RTN4: variants seen among roughly 807,000 people sequenced by gnomAD.
RTN4 encodes the protein reticulon 4, also known as reticulon-4.
Under a neutral mutation model 90.4 loss-of-function variants are expected in RTN4, and 32 were observed. The observed-to-expected ratio is 0.35, with a 90% CI of 0.27 to 0.48. The LOEUF is 0.48. Ranked by LOEUF, RTN4 falls within the 20% of genes least tolerant of loss-of-function variation. RTN4 has a pLI of 0.99. For synonymous variants in RTN4, 629 were observed against 552.5 expected (o/e 1.14, Z -1.94); for missense variants, 1,706 against 1,430.2 (o/e 1.19, Z -3.11).
intron 1 of RTN4, among the ~76,000 whole-genome samples, chr2:55,105,414 G>A (rs914237062): frequency 2.0e-5 from 3 of 151,648 alleles, no homozygotes; most frequent in Non-Finnish European, 2.9e-5. Context: ...ATTTTTAGTA[G>A]AGATGGGTTT....
At chr2:54,995,807 C>T (rs1331210314) in intron 3 of RTN4, among the ~76,000 whole-genome samples, 1 of 152,076 alleles carries the variant, frequency 6.6e-6, no homozygotes, top group East Asian at 1.9e-4. Context: ...CCACAGAGTA[C>T]CCAGAGAAAA....
At chr2:54,998,822 T>A (rs755603157) in intron 3 of RTN4, among the ~76,000 whole-genome samples, 19 of 152,210 alleles carry the variant, frequency 1.2e-4, no homozygotes, top group African/African-American at 3.6e-4. Context: ...GTAATCACTT[T>A]AGTGGTTCCT....
chr2:55,092,523 C>T (rs1293797802), intron 1 of RTN4, among the ~76,000 whole-genome samples: 2 of 152,252 alleles, frequency 1.3e-5, no homozygotes, highest in East Asian at 1.9e-4. Flanking sequence ...CGTGAGCCAC[C>T]GTGCCCGGCC....
Position 55,027,389 on chromosome 2 carries a change from G to C in RTN4, c.710C>G (p.Ser237Cys). Residue 237 changes from serine (S) to cysteine (C), a missense_variant, in exon 3 of 9, where the codon TCT becomes TGT. Physicochemically the swap from Ser to Cys is moderately radical, Grantham distance 112 (BLOSUM62 -1). Coordinates refer to ENST00000337526, the MANE Select transcript of RTN4 (RefSeq NM_020532.5). ...AGAAGCGGCTGAGAGAGGAGACAGAGAAGGAAGAGAAGCAGCAGTTTCAAG... is the reference window on the plus strand; with the variant it reads ...AGAAGCGGCTGAGAGAGGAGACAGACAAGGAAGAGAAGCAGCAGTTTCAAG... ...VLLETAASLPSLSPLSAASFK... is the reference protein window; with the variant it reads ...VLLETAASLPCLSPLSAASFK... The C allele has an allele frequency of 1.9e-6, 3 of 1,613,736 alleles. No individual in the cohort carries two copies. The highest frequency in any genetic ancestry group is 2.5e-6 in the Non-Finnish European group (3 of 1,179,768).
At chr2:55,096,692 C>G (rs567621907) in intron 1 of RTN4, among the ~76,000 whole-genome samples, 1 of 152,186 alleles carries the variant, frequency 6.6e-6, no homozygotes, top group African/African-American at 2.4e-5. Context: ...TTTTCTCAAT[C>G]TGAACGCAAG....
the RTN4 span, among the ~76,000 whole-genome samples, chr2:55,136,102 A>G: frequency 1.5e-3 from 231 of 152,268 alleles, 7 homozygotes; most frequent in South Asian, 0.042. Context: ...CAGTCTCCCA[A>G]TAGATAGAAA....
intron 3 of RTN4, chr2:55,010,016 A>G: frequency 6.5e-7 from 1 of 1,539,680 alleles, no homozygotes; most frequent in South Asian, 1.1e-5. Flanking sequence ...TCTAAATTCC[A>G]AAGCTTATTC....
chr2:54,974,995 A>G (rs1677504064), intron 5 of RTN4, among the ~76,000 whole-genome samples: 1 of 152,202 alleles, frequency 6.6e-6, no homozygotes, highest in African/African-American at 2.4e-5. Flanking sequence ...ACTACCAAGT[A>G]GTTGATTCTG....
chr2:55,089,693 G>C (rs1468523515), intron 1 of RTN4, among the ~76,000 whole-genome samples: 1 of 152,216 alleles, frequency 6.6e-6, no homozygotes, highest in Non-Finnish European at 1.5e-5. Context: ...TCTGCGAAAT[G>C]CAAACACTTG....
At chr2:54,995,629 G>A (rs1358785436) in intron 3 of RTN4, among the ~76,000 whole-genome samples, 2 of 151,966 alleles carry the variant, frequency 1.3e-5, no homozygotes, top group African/African-American at 4.8e-5. Flanking sequence ...TGGGTCACGG[G>A]TGGCCAGAGC....
intron 1 of RTN4, among the ~76,000 whole-genome samples, chr2:55,096,318 C>G (rs1417888506): frequency 6.6e-6 from 1 of 150,800 alleles, no homozygotes. Flanking sequence ...AAGAGCAAAA[C>G]TCTGCCTCAA....
Position 54,972,556 on chromosome 2 carries a change from T to C in RTN4, c.*600A>G, listed in dbSNP as rs1677147112. 6.5e-6 allele frequency: 1 copy of C among 152,798 alleles called. No homozygotes were observed. Among genetic ancestry groups the C allele is most frequent in the Middle Eastern group, 3.4e-3 (1 of 294 alleles). The allele number at this position is 152,798 out of a possible 1,614,324, so 9.5% of individuals were successfully genotyped here. On this transcript the variant is annotated 3_prime_UTR_variant, in exon 9 of 9. Coordinates refer to ENST00000337526, the MANE Select transcript of RTN4 (RefSeq NM_020532.5). ...TGACTGACTCTGAAATATCAAGCAC[T>C]GTGGGGTGGCTGGAAGGTAAAGGTC...
At chr2:55,053,964 C>G (rs1668146110), upstream of RTN4, among the ~76,000 whole-genome samples, 1 of 152,012 alleles carries the variant, frequency 6.6e-6, no homozygotes, top group African/African-American at 2.4e-5. Context: ...ACTCAGAAGA[C>G]TGGAGAGAAG....
chr2:55,126,540 G>A, the RTN4 span, among the ~76,000 whole-genome samples: 4 of 152,200 alleles, frequency 2.6e-5, no homozygotes, highest in Non-Finnish European at 5.9e-5. Flanking sequence ...ATGCTGGTGA[G>A]GTTGTGGAGA....
At chr2:54,982,457 C>G in intron 5 of RTN4, 58 bp downstream of exon 5, 1 of 1,451,804 alleles carries the variant, frequency 6.9e-7, no homozygotes, top group Non-Finnish European at 9.4e-7. Flanking sequence ...ATTTTACACT[C>G]AACTCTCTTG....
chr2:55,135,272 A>C, the RTN4 span, among the ~76,000 whole-genome samples: 2 of 146,960 alleles, frequency 1.4e-5, no homozygotes, highest in African/African-American at 2.5e-5. Flanking sequence ...CAGTGGCTCA[A>C]TCTTGACTCA....
At position 55,047,845 on chromosome 2, in the gene RTN4, G is replaced by A. The variant is rs981477142; in HGVS notation, c.556+1900C>T. 1.8e-4 allele frequency among the ~76,000 whole-genome samples: 27 copies of A among 152,178 alleles called. 1 individual carries two copies. The highest frequency in any genetic ancestry group is 6.5e-4 in the African/African-American group (27 of 41,504). ...GATGAAAACGGCAATAAAACAACGT[G>A]ACTAATAATAACATACAATCAGGAA... On this transcript the variant is annotated intron_variant, in intron 1 of 8. Coordinates refer to ENST00000337526, the MANE Select transcript of RTN4 (RefSeq NM_020532.5).
rs201878803 is a variant in RTN4 at position 55,025,252 on chromosome 2, G to A, written c.2847C>T (p.Leu949=). Reference sequence around the variant, plus strand: ...AAGCAGAAACATCTGGAGGCAATAAGAGCACCTTTGATGTAGCAGACCCAT... The same window carrying A: ...AAGCAGAAACATCTGGAGGCAATAAAAGCACCTTTGATGTAGCAGACCCAT... ...SKNGSATSKV[L]LLPPDVSALA... Residue 949 remains leucine, a synonymous_variant, in exon 3 of 9, where the codon CTC becomes CTT. Coordinates refer to ENST00000337526, the MANE Select transcript of RTN4 (RefSeq NM_020532.5). 1 of 1,613,898 alleles carries A rather than the reference G, an allele frequency of 6.2e-7. No individual in the cohort carries two copies. Among genetic ancestry groups the A allele is most frequent in the Non-Finnish European group, 8.5e-7 (1 of 1,179,864 alleles).
intron 2 of RTN4, among the ~76,000 whole-genome samples, chr2:55,076,171 A>G (rs1276493677): frequency 6.6e-6 from 1 of 152,200 alleles, no homozygotes; most frequent in African/African-American, 2.4e-5. Context: ...GAAAACATTC[A>G]TAATCTATAC....
Sources: gnomAD v4.1 joint callset for allele counts (sites outside exome capture counted in the v4.1 genomes callset) on GRCh38, gnomAD v4.1.1 for gene constraint, MANE v1.5 for transcripts, NCBI Gene and HGNC (gene_info 2026-07-23, HGNC 2026-07-21) for gene names.